The following NXPE2 variants were observed in gnomAD, a reference collection of about 807,000 sequenced individuals.
NXPE2 encodes NXPE family member 2.
In NXPE2, 34 loss-of-function variants were observed where a neutral mutation model predicts 34.4. The ratio of observed to expected loss-of-function variants is 0.99; its 90% CI spans 0.75 to 1.31. The LOEUF (loss-of-function observed/expected upper bound fraction) is 1.31. NXPE2 is among the 40% of genes most tolerant of loss of function. The pLI is 0.00. For synonymous variants in NXPE2, 235 were observed against 231.3 expected (o/e 1.02, Z -0.15); for missense variants, 649 against 672.5 (o/e 0.97, Z 0.39).
chr11:114,601,228 A>G, the NXPE2 span, among the ~76,000 whole-genome samples: 28 of 151,114 alleles, frequency 1.9e-4, 1 homozygote, highest in African/African-American at 5.6e-4. Flanking sequence ...GTAATTTTTC[A>G]TCCCATTTCC....
the NXPE2 span, among the ~76,000 whole-genome samples, chr11:114,650,055 G>C: frequency 6.6e-6 from 1 of 152,052 alleles, no homozygotes; most frequent in Non-Finnish European, 1.5e-5. Flanking sequence ...CAAAAACACT[G>C]CTTCCACCCT....
chr11:114,678,737 A>C, intron 1 of NXPE2, 136 bp downstream of exon 1: 1 of 638,404 alleles, frequency 1.6e-6, no homozygotes, highest in South Asian at 1.9e-5. Flanking sequence ...TGGGCATAAA[A>C]ATACTTTTAA....
At chr11:114,654,587 C>T in the NXPE2 span, among the ~76,000 whole-genome samples, 2 of 152,062 alleles carry the variant, frequency 1.3e-5, no homozygotes, top group Non-Finnish European at 2.9e-5. Context: ...GCCCTCTGTT[C>T]CTGTGTTAGT....
chr11:114,813,557 G>C, the NXPE2 span, among the ~76,000 whole-genome samples: 1 of 152,200 alleles, frequency 6.6e-6, no homozygotes, highest in Non-Finnish European at 1.5e-5. Context: ...GCATGCATGT[G>C]GGATGGGGCA....
At chr11:114,522,143 A>G in the NXPE2 span, 1 of 1,614,088 alleles carries the variant, frequency 6.2e-7, no homozygotes, top group Non-Finnish European at 8.5e-7. Context: ...GAAGTCTCCA[A>G]ACCTCTCTGT....
the NXPE2 span, among the ~76,000 whole-genome samples, chr11:114,800,854 G>A: frequency 1.3e-5 from 2 of 152,360 alleles, no homozygotes; most frequent in Non-Finnish European, 2.9e-5. Context: ...TGTCTAGAAT[G>A]TAGTAAATGC....
the NXPE2 span, among the ~76,000 whole-genome samples, chr11:114,723,830 G>A: frequency 6.6e-6 from 1 of 152,110 alleles, no homozygotes; most frequent in South Asian, 2.1e-4. Flanking sequence ...TTCTGTGATA[G>A]GTAAGCATGG....
the NXPE2 span, among the ~76,000 whole-genome samples, chr11:114,805,195 T>G: frequency 4.0e-5 from 6 of 151,502 alleles, no homozygotes; most frequent in African/African-American, 1.5e-4. Context: ...CAAGGAGTTT[T>G]TTTTTTTTTT....
At chr11:114,669,156 C>T in the NXPE2 span, among the ~76,000 whole-genome samples, 1 of 152,072 alleles carries the variant, frequency 6.6e-6, no homozygotes, top group Non-Finnish European at 1.5e-5. Flanking sequence ...GGACCCTCTC[C>T]CCAGTGGAAC....
chr11:114,724,148 G>C, the NXPE2 span, among the ~76,000 whole-genome samples: 1 of 152,142 alleles, frequency 6.6e-6, no homozygotes, highest in Non-Finnish European at 1.5e-5. Context: ...CAGATGAGGA[G>C]ACTGAAGGCC....
the NXPE2 span, among the ~76,000 whole-genome samples, chr11:114,499,507 T>G: frequency 6.6e-6 from 1 of 152,184 alleles, no homozygotes; most frequent in African/African-American, 2.4e-5. Flanking sequence ...ATTTGTAGAT[T>G]TTGCTGCATT....
chr11:114,681,613 C>T (rs1408534124), intron 2 of NXPE2, among the ~76,000 whole-genome samples: 1 of 152,072 alleles, frequency 6.6e-6, no homozygotes, highest in Non-Finnish European at 1.5e-5. Context: ...CAGACACATC[C>T]CCACTCCCAC....
chr11:114,679,765 A>G lies in NXPE2; in HGVS notation c.132+3A>G, dbSNP rs1323649580. ...TGGCTTCAAAAGACCACACAAAGGT[A>G]GGAAGTTTCATTTTTAAGAATTTCA... On this transcript the variant is annotated splice_donor_region_variant and intron_variant, in intron 2 of 5. Transcript: ENST00000389586. The G allele has an allele frequency of 6.6e-7, 1 of 1,524,894 alleles. No homozygotes were observed. Among genetic ancestry groups the G allele is most frequent in the South Asian group, 1.2e-5 (1 of 82,876 alleles). The allele number at this position is 1,524,894 out of a possible 1,614,324, so 94.5% of individuals were successfully genotyped here.
the NXPE2 span, among the ~76,000 whole-genome samples, chr11:114,601,821 A>C: frequency 5.3e-5 from 4 of 75,290 alleles, no homozygotes; most frequent in East Asian, 1.7e-3. Context: ...ATAATTATAT[A>C]TAATATATAA....
chr11:114,490,885 G>A, the NXPE2 span, among the ~76,000 whole-genome samples: 25 of 152,184 alleles, frequency 1.6e-4, 1 homozygote, highest in Middle Eastern at 0.01. Context: ...TTCTGCGGCC[G>A]GGCGCGGTGG....
the NXPE2 span, among the ~76,000 whole-genome samples, chr11:114,719,964 A>C: frequency 6.6e-6 from 1 of 152,208 alleles, no homozygotes; most frequent in Non-Finnish European, 1.5e-5. Flanking sequence ...TATATCCTTC[A>C]GTCTGCAGCT....
the NXPE2 span, among the ~76,000 whole-genome samples, chr11:114,769,250 A>G: frequency 2.6e-5 from 4 of 152,306 alleles, no homozygotes; most frequent in East Asian, 5.8e-4. Flanking sequence ...GCAAATCAAA[A>G]CCACAATGAG....
chr11:114,561,542 T>G, the NXPE2 span, among the ~76,000 whole-genome samples: 28 of 152,330 alleles, frequency 1.8e-4, no homozygotes, highest in South Asian at 5.4e-3. Flanking sequence ...GGACCAGTAT[T>G]AGACTGAGTA....
chr11:114,587,335 G>A, the NXPE2 span, among the ~76,000 whole-genome samples: 3 of 152,122 alleles, frequency 2.0e-5, no homozygotes, highest in Admixed American at 6.5e-5. Context: ...ATTTAATTCC[G>A]GAAGTTAACC....
Sources: gnomAD v4.1 joint callset for allele counts (sites outside exome capture counted in the v4.1 genomes callset) on GRCh38, gnomAD v4.1.1 for gene constraint, MANE v1.5 for transcripts, NCBI Gene and HGNC (gene_info 2026-07-23, HGNC 2026-07-21) for gene names.